MYO16: variants seen among roughly 807,000 people sequenced by gnomAD.
The protein encoded by MYO16 is unconventional myosin-XVI.
Under a neutral mutation model 205.3 loss-of-function variants are expected in MYO16, and 94 were observed. The ratio of observed to expected loss-of-function variants is 0.46; its 90% CI spans 0.39 to 0.54. MYO16 has a LOEUF of 0.54. Ranked by LOEUF, MYO16 falls within the 20% of genes least tolerant of loss-of-function variation. The pLI is 0.00. For missense variants in MYO16, 2,315 were observed against 2,387.5 expected (o/e 0.97, Z 0.63); for synonymous variants, 988 against 954.0 (o/e 1.04, Z -0.66).
chr13:108,836,128 C>T (rs1211654847), intron 9 of MYO16, among the ~76,000 whole-genome samples: 4 of 152,140 alleles, frequency 2.6e-5, no homozygotes, highest in Non-Finnish European at 5.9e-5. Flanking sequence ...GAGCCCAGGA[C>T]CTCACTGCTG....
intron 4 of MYO16, among the ~76,000 whole-genome samples, chr13:108,784,582 C>A (rs1398944963): frequency 6.6e-6 from 1 of 151,654 alleles, no homozygotes; most frequent in Non-Finnish European, 1.5e-5. Flanking sequence ...TAGAAAATCT[C>A]TTTGCAAATA....
At chr13:108,928,624 A>T (rs1323043975) in intron 16 of MYO16, among the ~76,000 whole-genome samples, 1 of 152,216 alleles carries the variant, frequency 6.6e-6, no homozygotes, top group Non-Finnish European at 1.5e-5. Flanking sequence ...TTGTTAGGTA[A>T]AAGGAGTGTG....
In MYO16 at chr13:108,925,417, T is replaced by C. The variant is rs145993650; in HGVS notation, c.1925+15267T>C. Among the ~76,000 whole-genome samples the C allele has an allele frequency of 4.7e-3, 720 of 152,248 alleles. 4 individuals carry two copies. Among genetic ancestry groups the C allele is most frequent in the Non-Finnish European group, 7.6e-3 (516 of 68,018 alleles). The stretch of plus-strand genomic sequence containing the variant: ...TTGTTGGTAGAGGTAGTATGGATGG[T>C]CTTAAATTATTGACGGTGGGGCCAG... On this transcript the variant is annotated intron_variant, in intron 16 of 34. Transcript: ENST00000457511.
At position 108,938,878 on chromosome 13, in the gene MYO16, G is replaced by T. The variant is rs371305426; in HGVS notation, c.1926-18810G>T. Reference sequence around the variant, plus strand: ...GCTGCACCACAATCTCAGGGGAGTAGGCTGGTGAACCCATCAATGGCACAC... The same window carrying T: ...GCTGCACCACAATCTCAGGGGAGTATGCTGGTGAACCCATCAATGGCACAC... On this transcript the variant is annotated intron_variant, in intron 16 of 34. Coordinates refer to ENST00000457511, the MANE Select transcript of MYO16 (RefSeq NM_001198950.3). 6.6e-5 allele frequency among the ~76,000 whole-genome samples: 10 copies of T among 152,322 alleles called. No individual in the cohort carries two copies. In the East Asian group the frequency reaches 9.7e-4, roughly 15 times the overall value.
chr13:108,869,547 A>T (rs990339477), intron 12 of MYO16, among the ~76,000 whole-genome samples: 2 of 140,466 alleles, frequency 1.4e-5, no homozygotes, highest in African/African-American at 2.7e-5. Context: ...ACACGATGAA[A>T]CCCCGTCTCT....
intron 2 of MYO16, among the ~76,000 whole-genome samples, chr13:108,687,083 C>G (rs1324983477): frequency 1.3e-5 from 2 of 152,200 alleles, no homozygotes; most frequent in African/African-American, 2.4e-5. Flanking sequence ...TATAACTTTG[C>G]ATTGTTTTCA....
chr13:109,116,349 C>T (rs1217454387), intron 28 of MYO16, among the ~76,000 whole-genome samples: 1 of 152,140 alleles, frequency 6.6e-6, no homozygotes, highest in Admixed American at 6.5e-5. Flanking sequence ...ACATGAAAAA[C>T]CCACCAGGGG....
chr13:108,991,618 C>T (rs277804), intron 20 of MYO16, among the ~76,000 whole-genome samples: 30 of 1,890 alleles, frequency 0.016, no homozygotes, highest in East Asian at 0.11. Context: ...ACTCACTGCT[C>T]GCATAGCATG....
At chr13:108,693,251 C>G (rs924359988) in intron 2 of MYO16, among the ~76,000 whole-genome samples, 2 of 152,142 alleles carry the variant, frequency 1.3e-5, no homozygotes, top group Non-Finnish European at 2.9e-5. Context: ...TAAAACTCAT[C>G]ATTTTGACCA....
At chr13:108,695,846 G>A (rs1252567284) in intron 2 of MYO16, among the ~76,000 whole-genome samples, 1 of 152,064 alleles carries the variant, frequency 6.6e-6, no homozygotes, top group African/African-American at 2.4e-5. Flanking sequence ...AACACTGCCA[G>A]GATCCTTGGA....
At chr13:108,918,283 G>A (rs941834484) in intron 16 of MYO16, among the ~76,000 whole-genome samples, 5 of 152,178 alleles carry the variant, frequency 3.3e-5, no homozygotes, top group Non-Finnish European at 5.9e-5. Flanking sequence ...CATTAAGATG[G>A]TGTATTCACA....
At chr13:108,964,063 C>T (rs1213383589) in intron 19 of MYO16, among the ~76,000 whole-genome samples, 3 of 152,206 alleles carry the variant, frequency 2.0e-5, no homozygotes, top group Non-Finnish European at 4.4e-5. Context: ...CGCCCTGTTC[C>T]TAGTCTCCTG....
the MYO16 span, among the ~76,000 whole-genome samples, chr13:108,543,670 A>T: frequency 2.0e-5 from 3 of 150,368 alleles, no homozygotes; most frequent in African/African-American, 4.9e-5. Flanking sequence ...AAAAGAAAAA[A>T]ATCCCAGAAT....
chr13:108,543,888 A>G, the MYO16 span, among the ~76,000 whole-genome samples: 1 of 150,736 alleles, frequency 6.6e-6, no homozygotes, highest in East Asian at 2.0e-4. Context: ...CAACATGGAG[A>G]AACCCCCTCT....
At chr13:108,782,809 C>G (rs562447677) in intron 4 of MYO16, among the ~76,000 whole-genome samples, 1 of 152,160 alleles carries the variant, frequency 6.6e-6, no homozygotes, top group East Asian at 1.9e-4. Context: ...GTGGAAGCCC[C>G]AAGCCTTGGC....
At chr13:109,062,942 G>C (rs886738704) in intron 27 of MYO16, among the ~76,000 whole-genome samples, 32 of 152,076 alleles carry the variant, frequency 2.1e-4, no homozygotes, top group African/African-American at 7.5e-4. Context: ...TTAACTGTCA[G>C]AGAATAAAAA....
chr13:108,866,319 TA>T lies in MYO16; in HGVS notation c.1425+85del, dbSNP rs56326713. ...GTCATACATGTTTGTATCAAATGACTAAAAAAAACAGGCAAACTTCTAAAAA... is the reference window on the plus strand; with the variant it reads ...GTCATACATGTTTGTATCAAATGACTAAAAAAACAGGCAAACTTCTAAAAA... On this transcript the variant is annotated intron_variant, in intron 12 of 34. Coordinates refer to ENST00000457511, the MANE Select transcript of MYO16 (RefSeq NM_001198950.3). 8.4e-3 allele frequency: 7,474 copies of T among 887,108 alleles called. 39 individuals carry two copies. The highest frequency in any genetic ancestry group is 0.01 in the Non-Finnish European group (6,236 of 607,304). The allele number at this position is 887,108 out of a possible 1,614,324, so 55.0% of individuals were successfully genotyped here.
At chr13:108,676,871 A>T (rs1279215930) in intron 2 of MYO16, among the ~76,000 whole-genome samples, 1 of 151,960 alleles carries the variant, frequency 6.6e-6, no homozygotes, top group Admixed American at 6.5e-5. Flanking sequence ...CCCTTCCTCC[A>T]TTCCTTGCAG....
At chr13:108,948,316 A>AT (rs1883011124) in intron 16 of MYO16, among the ~76,000 whole-genome samples, 1 of 152,236 alleles carries the variant, frequency 6.6e-6, no homozygotes, top group African/African-American at 2.4e-5. Flanking sequence ...GTTCCTTTGT[A>AT]TTCGCACAGC....
Sources: gnomAD v4.1 joint callset for allele counts (sites outside exome capture counted in the v4.1 genomes callset) on GRCh38, gnomAD v4.1.1 for gene constraint, MANE v1.5 for transcripts, NCBI Gene and HGNC (gene_info 2026-07-23, HGNC 2026-07-21) for gene names.